RBM27: variants seen among roughly 807,000 people sequenced by gnomAD.
RBM27 encodes the protein RNA binding motif protein 27, also known as RNA-binding protein 27.
Under a neutral mutation model 135.3 loss-of-function variants are expected in RBM27, and 22 were observed. That is an observed-to-expected ratio of 0.16 (90% confidence interval 0.12 to 0.23). RBM27 has a LOEUF of 0.23. Among genes scored for constraint, RBM27 ranks in the 10% least tolerant of loss-of-function variants. The pLI is 1.00. For missense variants in RBM27, 1,009 were observed against 1,281.0 expected (o/e 0.79, Z 3.24); for synonymous variants, 481 against 442.4 (o/e 1.09, Z -1.10).
chr5:146,277,156 G>A (rs1359007995), intron 19 of RBM27, among the ~76,000 whole-genome samples: 1 of 152,118 alleles, frequency 6.6e-6, no homozygotes, highest in African/African-American at 2.4e-5. Flanking sequence ...CTTTACAAAG[G>A]TAGTTACTGC....
At chr5:146,252,592 T>G (rs983231982) in intron 9 of RBM27, among the ~76,000 whole-genome samples, 1 of 152,238 alleles carries the variant, frequency 6.6e-6, no homozygotes, top group African/African-American at 2.4e-5. Context: ...CTGAAAACTT[T>G]TTAATCATAA....
chr5:146,265,138 T>A (rs1208110691), intron 14 of RBM27, among the ~76,000 whole-genome samples: 1 of 152,126 alleles, frequency 6.6e-6, no homozygotes, highest in Non-Finnish European at 1.5e-5. Flanking sequence ...GAAAGACATA[T>A]GTGCAAGGCT....
At chr5:146,279,535 C>CGGT (rs1365348391) in intron 19 of RBM27, among the ~76,000 whole-genome samples, 1 of 151,602 alleles carries the variant, frequency 6.6e-6, no homozygotes, top group East Asian at 1.9e-4. Flanking sequence ...GGGCCAGGTA[C>CGGT]GGTGGCTCAC....
intron 8 of RBM27, among the ~76,000 whole-genome samples, chr5:146,251,507 T>C (rs1757883212): frequency 6.6e-6 from 1 of 152,216 alleles, no homozygotes; most frequent in Admixed American, 6.5e-5. Flanking sequence ...TTCTTATTCT[T>C]TTCTTTATAC....
intron 8 of RBM27, among the ~76,000 whole-genome samples, chr5:146,238,079 CCT>C (rs1757245363): frequency 1.3e-5 from 2 of 152,192 alleles, no homozygotes; most frequent in East Asian, 3.9e-4. Flanking sequence ...AGATGTATCT[CCT>C]AAGAAGTATA....
chr5:146,225,998 G>T (rs1459438200), intron 3 of RBM27, among the ~76,000 whole-genome samples: 3 of 150,032 alleles, frequency 2.0e-5, no homozygotes, highest in Admixed American at 1.4e-4. Flanking sequence ...GGGTAGCTGG[G>T]ATTATAGGCC....
At chr5:146,240,056 C>A (rs1343303608) in intron 8 of RBM27, among the ~76,000 whole-genome samples, 1 of 151,924 alleles carries the variant, frequency 6.6e-6, no homozygotes, top group Non-Finnish European at 1.5e-5. Flanking sequence ...GGATTACAGG[C>A]GTGAGCCACT....
intron 1 of RBM27, among the ~76,000 whole-genome samples, chr5:146,210,804 G>A (rs910806132): frequency 2.0e-5 from 3 of 152,000 alleles, no homozygotes; most frequent in African/African-American, 4.8e-5. Context: ...AAAATTAGCC[G>A]GGCGTGGTGG....
intron 2 of RBM27, among the ~76,000 whole-genome samples, chr5:146,222,722 A>G (rs1401853838): frequency 6.6e-6 from 1 of 152,170 alleles, no homozygotes; most frequent in Non-Finnish European, 1.5e-5. Context: ...TAAATATTTG[A>G]CGTTAATACT....
intron 1 of RBM27, among the ~76,000 whole-genome samples, chr5:146,211,951 A>G (rs946829382): frequency 6.6e-6 from 1 of 152,196 alleles, no homozygotes; most frequent in Non-Finnish European, 1.5e-5. Context: ...ATATAGCTAC[A>G]GTCAGACTCA....
At chr5:146,232,602 C>T (rs1756985619) in intron 6 of RBM27, among the ~76,000 whole-genome samples, 1 of 151,890 alleles carries the variant, frequency 6.6e-6, no homozygotes, top group Non-Finnish European at 1.5e-5. Flanking sequence ...TGGAGTCTCG[C>T]TCTGTCACCA....
At chr5:146,243,247 C>G (rs1201678033) in intron 8 of RBM27, among the ~76,000 whole-genome samples, 1 of 152,002 alleles carries the variant, frequency 6.6e-6, no homozygotes, top group Non-Finnish European at 1.5e-5. Context: ...GCCTGGGCAA[C>G]AAGAGCGAAA....
intron 14 of RBM27, among the ~76,000 whole-genome samples, chr5:146,267,394 A>G (rs1360445918): frequency 1.3e-5 from 2 of 152,210 alleles, no homozygotes; most frequent in African/African-American, 2.4e-5. Flanking sequence ...TGTTATGGTC[A>G]CAGGAGCACC....
intron 1 of RBM27, among the ~76,000 whole-genome samples, chr5:146,216,719 G>A (rs1166573455): frequency 1.3e-5 from 2 of 152,110 alleles, no homozygotes; most frequent in Non-Finnish European, 2.9e-5. Flanking sequence ...GGGTAGTGGT[G>A]TGGTCATGGC....
chr5:146,236,175 G>A (rs1757152381), intron 7 of RBM27, among the ~76,000 whole-genome samples: 2 of 152,140 alleles, frequency 1.3e-5, no homozygotes, highest in East Asian at 3.8e-4. Flanking sequence ...CCGACATTTT[G>A]CTATGAAAAG....
intron 7 of RBM27, 140 bp downstream of exon 7, chr5:146,233,883 G>A (rs1232314737): frequency 1.8e-6 from 1 of 560,638 alleles, no homozygotes; most frequent in African/African-American, 2.0e-5. Flanking sequence ...TAATTAAGAT[G>A]CTATTCTTTT....
intron 8 of RBM27, among the ~76,000 whole-genome samples, chr5:146,242,896 C>T (rs1230150011): frequency 6.6e-6 from 1 of 152,084 alleles, no homozygotes; most frequent in African/African-American, 2.4e-5. Context: ...CCACTCCTGG[C>T]CTCAGTTTTT....
chr5:146,218,114 T>A (rs1369959378), intron 1 of RBM27, among the ~76,000 whole-genome samples: 2 of 152,088 alleles, frequency 1.3e-5, no homozygotes, highest in African/African-American at 4.8e-5. Flanking sequence ...GTTATTTATG[T>A]ATTCATCAGG....
intron 1 of RBM27, among the ~76,000 whole-genome samples, chr5:146,206,052 G>A (rs1337744387): frequency 6.6e-6 from 1 of 152,054 alleles, no homozygotes; most frequent in Non-Finnish European, 1.5e-5. Flanking sequence ...TGTTATTCAT[G>A]TTATTTAAGA....
Sources: allele counts gnomAD v4.1 joint callset (sites outside exome capture counted in the v4.1 genomes callset), GRCh38; gene constraint gnomAD v4.1.1; transcripts MANE v1.5; gene names NCBI Gene and HGNC (gene_info 2026-07-23, HGNC 2026-07-21).